Variants in COQ3 observed in about 807,000 individuals in gnomAD.
COQ3 encodes the protein ubiquinone biosynthesis O-methyltransferase, mitochondrial.
COQ3 carries 29 observed loss-of-function variants against 33.1 expected under a neutral mutation model. That is an observed-to-expected ratio of 0.88 (90% CI 0.65 to 1.19). The LOEUF (loss-of-function observed/expected upper bound fraction) is 1.19. Among genes scored for constraint, COQ3 ranks in the 50% most tolerant of loss-of-function variants. COQ3 has a pLI of 0.00. For missense variants in COQ3, 437 were observed against 430.7 expected, an observed-to-expected ratio of 1.01 and a Z score of -0.13; for synonymous variants, 173 against 157.8, an observed-to-expected ratio of 1.10 and a Z score of -0.72.
chr6:99,381,124 T>C (rs1272856318), intron 2 of COQ3, among the ~76,000 whole-genome samples: 2 of 152,054 alleles, frequency 1.3e-5, no homozygotes, highest in Non-Finnish European at 2.9e-5. Context: ...GGTGCCTCCA[T>C]CTTCTCTGCT....
chr6:99,370,080 T>C (rs6918538), intron 6 of COQ3, among the ~76,000 whole-genome samples: 145,689 of 152,246 alleles, frequency 0.96, 70,053 homozygotes, highest in East Asian at 1. Context: ...AATCCCAGCT[T>C]GGGTACCTAT....
At chr6:99,373,768 G>T (rs1253658782) in intron 5 of COQ3, among the ~76,000 whole-genome samples, 2 of 152,152 alleles carry the variant, frequency 1.3e-5, no homozygotes, top group African/African-American at 4.8e-5. Flanking sequence ...GAAGCGGCAG[G>T]ATCCCTTGAG....
chr6:99,385,277 C>T (rs926811874), intron 1 of COQ3, among the ~76,000 whole-genome samples: 3 of 152,178 alleles, frequency 2.0e-5, no homozygotes, highest in African/African-American at 7.2e-5. Context: ...TAAAGAAGAA[C>T]AGAACAAGAC....
intron 5 of COQ3, among the ~76,000 whole-genome samples, chr6:99,373,015 A>G (rs550471068): frequency 6.6e-6 from 1 of 152,344 alleles, no homozygotes; most frequent in South Asian, 2.1e-4. Context: ...AAACAAAAAT[A>G]TCATACACTA....
At chr6:99,372,406 T>C (rs922331575) in intron 5 of COQ3, among the ~76,000 whole-genome samples, 8 of 152,022 alleles carry the variant, frequency 5.3e-5, no homozygotes, top group Admixed American at 4.6e-4. Context: ...AAAGGATTTA[T>C]AGGACTATTC....
In COQ3 at chr6:99,371,601, A is replaced by G; in HGVS notation, c.730-14T>C. 1.3e-6 allele frequency: 2 copies of G among 1,546,420 alleles called. No individual in the cohort carries two copies. The highest frequency in any genetic ancestry group is 1.8e-6 in the Non-Finnish European group (2 of 1,133,802). On this transcript the variant is annotated splice_polypyrimidine_tract_variant and intron_variant, in intron 5 of 6. Coordinates refer to ENST00000254759, the MANE Select transcript of COQ3 (RefSeq NM_017421.4). ...AGAACCACCGGGCTAAAAGAAATGA[A>G]ATTATATAGAAGTAAAATGTAAAAG...
At chr6:99,381,031 T>C (rs1774459294) in intron 2 of COQ3, among the ~76,000 whole-genome samples, 1 of 152,142 alleles carries the variant, frequency 6.6e-6, no homozygotes, top group African/African-American at 2.4e-5. Context: ...GCAAGGTGGG[T>C]ATTATTATTA....
In COQ3 at chr6:99,394,068, A is replaced by G. The variant is rs1774907211; in HGVS notation, c.106+6T>C. 1.2e-6 allele frequency: 2 copies of G among 1,610,510 alleles called. No homozygotes were observed. Among genetic ancestry groups the G allele is most frequent in the South Asian group, 1.1e-5 (1 of 90,976 alleles). On this transcript the variant is annotated splice_donor_region_variant and intron_variant, in intron 1 of 6. Coordinates refer to ENST00000254759, the MANE Select transcript of COQ3 (RefSeq NM_017421.4). ...GCATGCGAAGGACCTCCGCACACAC[A>G]CTCACCCGCCGAGGAAATTAAGGGA...
chr6:99,372,836 T>G (rs1774182902), intron 5 of COQ3, among the ~76,000 whole-genome samples: 2 of 151,930 alleles, frequency 1.3e-5, no homozygotes, highest in Non-Finnish European at 2.9e-5. Context: ...GAGGGAAAAA[T>G]GCCAAAGATT....
intron 1 of COQ3, among the ~76,000 whole-genome samples, 153 bp downstream of exon 1, chr6:99,393,921 A>G (rs530425436): frequency 6.6e-6 from 1 of 152,272 alleles, no homozygotes; most frequent in African/African-American, 2.4e-5. Flanking sequence ...GAGGTTTACA[A>G]TGGAGAGAGA....
chr6:99,387,266 T>C (rs933630291), intron 1 of COQ3, among the ~76,000 whole-genome samples: 8 of 152,150 alleles, frequency 5.3e-5, no homozygotes, highest in Admixed American at 5.2e-4. Context: ...CTGGGCAACA[T>C]GGTGAGACCC....
intron 5 of COQ3, among the ~76,000 whole-genome samples, chr6:99,375,436 T>C (rs1774256762): frequency 1.3e-5 from 2 of 150,752 alleles, no homozygotes; most frequent in Non-Finnish European, 2.9e-5. Context: ...CAGGCTGGAG[T>C]GCAGTGACAC....
At chr6:99,392,431 G>C (rs556553876) in intron 1 of COQ3, among the ~76,000 whole-genome samples, 61 of 152,198 alleles carry the variant, frequency 4.0e-4, no homozygotes, top group Non-Finnish European at 8.4e-4. Flanking sequence ...TCCACTGTCC[G>C]CGGGATAGTC....
At chr6:99,380,426 T>C in intron 2 of COQ3, 85 bp from the exon 3 acceptor site, 3 of 1,396,420 alleles carry the variant, frequency 2.1e-6, no homozygotes, top group Non-Finnish European at 3.0e-6. Context: ...AAGATAGTCT[T>C]ATTTACAATT....
Position 99,383,816 on chromosome 6 carries a change from T to C in COQ3, c.115A>G (p.Lys39Glu). 1 of 1,570,848 alleles carries C rather than the reference T, an allele frequency of 6.4e-7. No individual in the cohort carries two copies. The highest frequency in any genetic ancestry group is 8.6e-7 in the Non-Finnish European group (1 of 1,165,842). ...TGTAGAGTCCCACTGAGCTGGTTCT[T>C]CACATAAACTGAAAAAAAAAATTAA... ...RPLISSAVYVKNQLSGTLQIK... is the reference protein window; with the variant it reads ...RPLISSAVYVENQLSGTLQIK... Residue 39 changes from lysine to glutamate, a missense_variant, in exon 2 of 7, where the codon AAG becomes GAG. Transcript: ENST00000254759.
intron 4 of COQ3, among the ~76,000 whole-genome samples, chr6:99,376,861 G>A (rs1016173398): frequency 4.0e-5 from 6 of 151,850 alleles, no homozygotes; most frequent in Non-Finnish European, 8.8e-5. Flanking sequence ...TAGTTGGGAG[G>A]CTGAGGCAGA....
Position 99,371,411 on chromosome 6 carries a change from A to G in COQ3, c.889+17T>C. The G allele has an allele frequency of 6.4e-7, 1 of 1,553,538 alleles. No individual in the cohort carries two copies. Among genetic ancestry groups the G allele is most frequent in the Non-Finnish European group, 8.7e-7 (1 of 1,155,376 alleles). ...AGCTAGGCCTGGAAAATTGGAAAAAATTCTCTTAATACTTACTTGATTCCA... is the reference window on the plus strand; with the variant it reads ...AGCTAGGCCTGGAAAATTGGAAAAAGTTCTCTTAATACTTACTTGATTCCA... On this transcript the variant is annotated intron_variant, in intron 6 of 6. Coordinates refer to ENST00000254759, the MANE Select transcript of COQ3 (RefSeq NM_017421.4).
chr6:99,377,063 G>A (rs113434213), intron 4 of COQ3, among the ~76,000 whole-genome samples: 1 of 150,686 alleles, frequency 6.6e-6, no homozygotes, highest in African/African-American at 2.4e-5. Flanking sequence ...AGGCTGGAGT[G>A]CAGTGGCTCA....
At chr6:99,388,251 TAAC>T (rs1373663818) in intron 1 of COQ3, among the ~76,000 whole-genome samples, 1 of 152,196 alleles carries the variant, frequency 6.6e-6, no homozygotes, top group Non-Finnish European at 1.5e-5. Flanking sequence ...TTCTATATAT[TAAC>T]AATGAACAAG....
Sources: allele counts gnomAD v4.1 joint callset (sites outside exome capture counted in the v4.1 genomes callset), GRCh38; gene constraint gnomAD v4.1.1; transcripts MANE v1.5; gene names NCBI Gene and HGNC (gene_info 2026-07-23, HGNC 2026-07-21).